ADCY8: variants seen among roughly 807,000 people sequenced by gnomAD.
ADCY8 encodes adenylate cyclase 8, also known as adenylate cyclase type 8.
In ADCY8, 51 loss-of-function variants were observed where a neutral mutation model predicts 119.7. The ratio of observed to expected loss-of-function variants is 0.43; its 90% CI spans 0.34 to 0.54. The LOEUF is 0.54. Ranked by LOEUF, ADCY8 falls within the 20% of genes least tolerant of loss-of-function variation. ADCY8 has a pLI of 0.03. For synonymous variants in ADCY8, 665 were observed against 651.0 expected, an observed-to-expected ratio of 1.02 and a Z score of -0.33; for missense variants, 1,383 against 1,598.8, an observed-to-expected ratio of 0.87 and a Z score of 2.30.
At chr8:130,810,478 C>T (rs1488170756) in intron 14 of ADCY8, among the ~76,000 whole-genome samples, 8 of 152,076 alleles carry the variant, frequency 5.3e-5, no homozygotes, top group Non-Finnish European at 1.0e-4. Context: ...ACTGGACTCC[C>T]CTTGTGGCTT....
At chr8:130,866,316 A>G (rs998588938) in intron 9 of ADCY8, among the ~76,000 whole-genome samples, 2 of 135,354 alleles carry the variant, frequency 1.5e-5, no homozygotes, top group African/African-American at 3.0e-5. Context: ...CTGCCCTTGC[A>G]TATTAGTTAA....
At chr8:130,940,998 C>T (rs1269683395) in intron 4 of ADCY8, among the ~76,000 whole-genome samples, 1 of 152,108 alleles carries the variant, frequency 6.6e-6, no homozygotes, top group African/African-American at 2.4e-5. Flanking sequence ...ATGTAATGAA[C>T]ATGTATAACT....
chr8:130,787,153 A>G (rs1815273854), intron 15 of ADCY8, among the ~76,000 whole-genome samples: 1 of 152,164 alleles, frequency 6.6e-6, no homozygotes, highest in Admixed American at 6.6e-5. Flanking sequence ...CTATGCTAAG[A>G]GTAGTGACAA....
Position 130,867,892 on chromosome 8 carries a change from C to T in ADCY8, c.2164G>A (p.Val722Ile), listed in dbSNP as rs140797450. ...FKSNLVCAFI[V>I]LLFITAIQSL... ...TGTATTGCCGTGATAAATAGAAGAA[C>T]GATAAATGCACAGACCAAGTTTGAC... is the stretch of plus-strand genomic sequence containing the variant. The change falls in exon 9 of 18, where the codon GTT becomes ATT. Residue 722 changes from valine (V) to isoleucine (I), a missense_variant. Around this residue, in one of 2 missense-constraint regions of ADCY8, gnomAD observed 928 missense variants for 1,163.5 expected, o/e 0.80. Coordinates refer to ENST00000286355, the MANE Select transcript of ADCY8 (RefSeq NM_001115.3). 1.5e-4 allele frequency: 239 copies of T among 1,611,098 alleles called. No individual in the cohort carries two copies. Among genetic ancestry groups the T allele is most frequent in the Non-Finnish European group, 1.8e-4 (215 of 1,178,572 alleles).
intron 2 of ADCY8, among the ~76,000 whole-genome samples, chr8:130,973,268 T>C (rs1224040935): frequency 6.6e-6 from 1 of 152,264 alleles, no homozygotes; most frequent in Admixed American, 6.5e-5. Context: ...TCCTTTTGGC[T>C]AATGCCTTAC....
intron 4 of ADCY8, among the ~76,000 whole-genome samples, chr8:130,938,215 T>C (rs532429954): frequency 6.6e-6 from 1 of 152,228 alleles, no homozygotes; most frequent in African/African-American, 2.4e-5. Context: ...GCCTCATCTA[T>C]CAAATGGGGA....
Position 130,884,557 on chromosome 8 carries a change from G to C in ADCY8, c.2109+7C>G. On this transcript the variant is annotated splice_region_variant and intron_variant, in intron 8 of 17. Transcript: ENST00000286355. The stretch of plus-strand genomic sequence containing the variant: ...GAAAAAGAGCCGCTGTGGAGACCCA[G>C]CTCTACCTTGTGCTCCAGGCTGGAG... The C allele has an allele frequency of 6.2e-7, 1 of 1,613,558 alleles. No homozygotes were observed. Among genetic ancestry groups the C allele is most frequent in the Non-Finnish European group, 8.5e-7 (1 of 1,179,730 alleles).
At chr8:130,860,914 G>A (rs774837418) in intron 9 of ADCY8, among the ~76,000 whole-genome samples, 2 of 152,120 alleles carry the variant, frequency 1.3e-5, no homozygotes, top group Non-Finnish European at 2.9e-5. Flanking sequence ...TCCCGTATTA[G>A]TTTGCTGAGA....
intron 3 of ADCY8, among the ~76,000 whole-genome samples, chr8:130,948,743 T>A (rs555326013): frequency 6.6e-6 from 1 of 150,652 alleles, no homozygotes; most frequent in East Asian, 2.0e-4. Context: ...TCAAAAATGC[T>A]CCCAACACCG....
At chr8:131,004,612 C>A (rs80115280) in intron 1 of ADCY8, among the ~76,000 whole-genome samples, 1 of 152,210 alleles carries the variant, frequency 6.6e-6, no homozygotes, top group Non-Finnish European at 1.5e-5. Flanking sequence ...TTATTCATCA[C>A]GGTGCTGCTT....
At chr8:130,884,515 C>A in intron 8 of ADCY8, 49 bp downstream of exon 8, 1 of 1,593,182 alleles carries the variant, frequency 6.3e-7, no homozygotes, top group Non-Finnish European at 8.6e-7. Context: ...CCATGAACAT[C>A]TACCACAATT....
rs57443234 is a variant in ADCY8 at position 131,003,687 on chromosome 8, AGAGC to A, written c.961-13149_961-13146del. Among the ~76,000 whole-genome samples the A allele has an allele frequency of 4.7e-3, 712 of 152,304 alleles. 6 individuals carry two copies. Among genetic ancestry groups the A allele is most frequent in the African/African-American group, 0.017 (691 of 41,558 alleles). ...TTGAGGCTCAGCGAGGTTAAATAAT[AGAGC>A]TAGTAAGTGGTACTAGGGTGATTGA... is the stretch of plus-strand genomic sequence containing the variant. On this transcript the variant is annotated intron_variant, in intron 1 of 17. Coordinates refer to ENST00000286355, the MANE Select transcript of ADCY8 (RefSeq NM_001115.3).
chr8:130,842,748 T>G (rs1337989556), intron 11 of ADCY8, among the ~76,000 whole-genome samples: 1 of 151,908 alleles, frequency 6.6e-6, no homozygotes, highest in Admixed American at 6.6e-5. Context: ...GGTGCATGCC[T>G]GTAGTCCCAG....
At chr8:130,807,716 G>T (rs1816011506) in intron 14 of ADCY8, among the ~76,000 whole-genome samples, 1 of 151,888 alleles carries the variant, frequency 6.6e-6, no homozygotes, top group Non-Finnish European at 1.5e-5. Context: ...CGGGCGCGGT[G>T]GCTCATGCCT....
intron 2 of ADCY8, among the ~76,000 whole-genome samples, chr8:130,962,800 A>C (rs915328329): frequency 6.6e-6 from 1 of 152,216 alleles, no homozygotes; most frequent in Non-Finnish European, 1.5e-5. Context: ...GAGACTTCTT[A>C]TTAATCTCTT....
intron 12 of ADCY8, 35 bp from the exon 13 acceptor site, chr8:130,821,455 G>A: frequency 5.9e-6 from 9 of 1,522,958 alleles, no homozygotes; most frequent in South Asian, 1.1e-5. Flanking sequence ...TAACCATGGG[G>A]GGACTTCAAG....
At chr8:130,901,852 C>T (rs1010871332) in intron 7 of ADCY8, among the ~76,000 whole-genome samples, 33 of 152,190 alleles carry the variant, frequency 2.2e-4, no homozygotes, top group Middle Eastern at 3.4e-3. Context: ...AAAAAATACA[C>T]GGTATGGTTA....
chr8:130,905,227 T>C (rs1430278955), intron 6 of ADCY8, among the ~76,000 whole-genome samples: 2 of 152,238 alleles, frequency 1.3e-5, no homozygotes, highest in Admixed American at 6.5e-5. Flanking sequence ...ATTACTGTTG[T>C]GTATTCCATG....
chr8:131,025,622 CCTG>C (rs1379361538), intron 1 of ADCY8, among the ~76,000 whole-genome samples: 3 of 152,198 alleles, frequency 2.0e-5, no homozygotes, highest in Non-Finnish European at 4.4e-5. Context: ...TCCAATCTTA[CCTG>C]CTAACATGAA....
Sources: allele counts gnomAD v4.1 joint callset (sites outside exome capture counted in the v4.1 genomes callset), GRCh38; gene constraint gnomAD v4.1.1; regional missense constraint gnomAD v4.1.1; transcripts MANE v1.5; gene names NCBI Gene and HGNC (gene_info 2026-07-23, HGNC 2026-07-21).